The following SAMD12 variants were observed in gnomAD, a reference collection of about 807,000 sequenced individuals.
The protein encoded by SAMD12 is sterile alpha motif domain containing 12, also known as sterile alpha motif domain-containing protein 12.
Under a neutral mutation model 15.0 loss-of-function variants are expected in SAMD12, and 9 were observed. The observed-to-expected ratio is 0.60, with a 90% confidence interval of 0.36 to 1.05. The LOEUF (loss-of-function observed/expected upper bound fraction) is 1.05, where lower values mean the gene tolerates loss of function less well. Among genes scored for constraint, SAMD12 ranks in the 50% least tolerant of loss-of-function variants. The pLI is 0.01. For missense variants in SAMD12, 230 were observed against 234.2 expected, an observed-to-expected ratio of 0.98 and a Z score of 0.12; for synonymous variants, 86 against 90.1, an observed-to-expected ratio of 0.96 and a Z score of 0.25.
intron 1 of SAMD12, chr8:118,621,594 C>G: frequency 1.6e-6 from 1 of 615,570 alleles, no homozygotes; most frequent in South Asian, 1.9e-5. Flanking sequence ...GTCCTACGCA[C>G]CTACCCTTCA....
At chr8:118,438,786 T>A (rs553648669) in intron 3 of SAMD12, among the ~76,000 whole-genome samples, 2 of 152,310 alleles carry the variant, frequency 1.3e-5, no homozygotes, top group South Asian at 4.1e-4. Flanking sequence ...TCATCGAGAA[T>A]GCTGAGCTAT....
intron 4 of SAMD12, among the ~76,000 whole-genome samples, chr8:118,243,545 T>C (rs1002412187): frequency 1.3e-5 from 2 of 152,164 alleles, no homozygotes; most frequent in African/African-American, 4.8e-5. Flanking sequence ...TTAACAGTTG[T>C]TATTTCTGGG....
At chr8:118,300,284 C>T (rs1814947941) in intron 4 of SAMD12, among the ~76,000 whole-genome samples, 1 of 152,160 alleles carries the variant, frequency 6.6e-6, no homozygotes, top group South Asian at 2.1e-4. Context: ...AATTTTGTAT[C>T]CTTTAACAAA....
chr8:118,548,264 A>G (rs1826187755), intron 2 of SAMD12, among the ~76,000 whole-genome samples: 2 of 152,194 alleles, frequency 1.3e-5, no homozygotes, highest in Admixed American at 1.3e-4. Flanking sequence ...CCTTTTATAA[A>G]AACACTGGAA....
At chr8:118,401,681 T>C (rs1820877982) in intron 3 of SAMD12, among the ~76,000 whole-genome samples, 1 of 152,054 alleles carries the variant, frequency 6.6e-6, no homozygotes, top group Non-Finnish European at 1.5e-5. Context: ...AGCCAAGGGC[T>C]TCATGTAAAA....
At chr8:118,220,597 C>T (rs896113700) in intron 4 of SAMD12, among the ~76,000 whole-genome samples, 1 of 152,118 alleles carries the variant, frequency 6.6e-6, no homozygotes, top group African/African-American at 2.4e-5. Flanking sequence ...TCTCATTATT[C>T]TCATGTGTTT....
rs1485175703 is a variant in SAMD12, at chr8:118,277,612, CT to C, written c.434-79881del. On this transcript the variant is annotated intron_variant, in intron 4 of 4. Transcript: ENST00000409003. ...AAAAAAAAAAGAAAGCAGAATTCTA[CT>C]CTCAAATGATATTATTTAGGAATCA... 2.0e-5 allele frequency among the ~76,000 whole-genome samples: 3 copies of C among 150,738 alleles called. 1 individual carries two copies. The highest frequency in any genetic ancestry group is 4.4e-5 in the Non-Finnish European group (3 of 67,774).
Position 118,544,974 on chromosome 8 carries a change from C to T in SAMD12, c.192+35741G>A, listed in dbSNP as rs145563054. The stretch of plus-strand genomic sequence containing the variant: ...ACTGGAAGTTAAAGCCAACAGCAGA[C>T]GAATGAGATCACTGGTTTTCAAATT... On this transcript the variant is annotated intron_variant, in intron 2 of 3. Coordinates refer to ENST00000314727, the MANE Select transcript of SAMD12 (RefSeq NM_207506.3). 1.3e-3 allele frequency among the ~76,000 whole-genome samples: 195 copies of T among 152,288 alleles called. 1 individual carries two copies. Among genetic ancestry groups the T allele is most frequent in the African/African-American group, 4.4e-3 (182 of 41,562 alleles).
chr8:118,278,501 A>G (rs73709244), intron 4 of SAMD12, among the ~76,000 whole-genome samples: 2,183 of 152,316 alleles, frequency 0.014, 62 homozygotes, highest in African/African-American at 0.05. Flanking sequence ...AGCCTAGAGA[A>G]CAAACCATAA....
chr8:118,356,989 T>C (rs1818260111), intron 4 of SAMD12, among the ~76,000 whole-genome samples: 1 of 152,218 alleles, frequency 6.6e-6, no homozygotes, highest in East Asian at 1.9e-4. Flanking sequence ...CACTTCTACA[T>C]TTCTGCAAAA....
intron 4 of SAMD12, among the ~76,000 whole-genome samples, chr8:118,265,091 C>T (rs1435488485): frequency 6.6e-6 from 1 of 152,096 alleles, no homozygotes; most frequent in Non-Finnish European, 1.5e-5. Context: ...GCTAAGTATT[C>T]CCAACTCTCC....
At chr8:118,132,014 C>T in the SAMD12 span, among the ~76,000 whole-genome samples, 2 of 152,176 alleles carry the variant, frequency 1.3e-5, 1 homozygote, top group Non-Finnish European at 2.9e-5. Context: ...TATCCATTAT[C>T]AAGTGATAAT....
rs56200866 is a variant in SAMD12, at chr8:118,305,144, C to CAAAAA, written c.433+74411_433+74415dup. Among the ~76,000 whole-genome samples, 132 of 48,878 alleles carry CAAAAA rather than the reference C, an allele frequency of 2.7e-3. 9 individuals carry two copies. The highest frequency in any genetic ancestry group is 3.7e-3 in the Non-Finnish European group (101 of 26,950). 32.1% of individuals were successfully genotyped at this position (48,878 alleles called of 152,430 possible). A position where few individuals can be genotyped will look rare whatever the true frequency, so the allele number is the denominator to read the frequency against. On this transcript the variant is annotated intron_variant, in intron 4 of 4. Transcript: ENST00000409003. ...AGCCTGGGCAAAAGTGACTCCCTGTCAAAAAAAAAAAAAAAAAAAAAAAAA... is the reference window on the plus strand; with the variant it reads ...AGCCTGGGCAAAAGTGACTCCCTGTCAAAAAAAAAAAAAAAAAAAAAAAAAAAAAA...
At chr8:118,477,351 C>T (rs1223676318) in intron 2 of SAMD12, among the ~76,000 whole-genome samples, 1 of 152,104 alleles carries the variant, frequency 6.6e-6, no homozygotes, top group Non-Finnish European at 1.5e-5. Flanking sequence ...CAGGCAAGAG[C>T]CATTGCGCTC....
intron 4 of SAMD12, among the ~76,000 whole-genome samples, chr8:118,236,670 C>G (rs779454580): frequency 4.6e-5 from 7 of 152,184 alleles, no homozygotes; most frequent in South Asian, 4.1e-4. Context: ...CAAAAGGCAG[C>G]ACAAATGACA....
At chr8:118,188,651 A>G (rs1405891826), downstream of SAMD12, among the ~76,000 whole-genome samples, 2 of 152,186 alleles carry the variant, frequency 1.3e-5, no homozygotes, top group Non-Finnish European at 2.9e-5. Flanking sequence ...CATATTCAGT[A>G]GAGTCAGAGT....
At chr8:118,515,105 A>C (rs1300957982) in intron 2 of SAMD12, among the ~76,000 whole-genome samples, 5 of 146,374 alleles carry the variant, frequency 3.4e-5, no homozygotes, top group Non-Finnish European at 1.5e-5. Flanking sequence ...TGCAAGCTCC[A>C]CCTCCTGGGT....
chr8:118,344,858 T>C (rs1817555120), intron 4 of SAMD12, among the ~76,000 whole-genome samples: 1 of 152,212 alleles, frequency 6.6e-6, no homozygotes, highest in Non-Finnish European at 1.5e-5. Context: ...GGTGGTCCCA[T>C]AAGATTATGA....
intron 4 of SAMD12, among the ~76,000 whole-genome samples, chr8:118,315,558 G>A (rs900413846): frequency 3.3e-5 from 5 of 152,162 alleles, no homozygotes; most frequent in East Asian, 1.9e-4. Flanking sequence ...ATGGGATCAT[G>A]GGAAGTGAGA....
Sources: allele counts gnomAD v4.1 joint callset (sites outside exome capture counted in the v4.1 genomes callset), GRCh38; gene constraint gnomAD v4.1.1; transcripts MANE v1.5; gene names NCBI Gene and HGNC (gene_info 2026-07-23, HGNC 2026-07-21).